The following TLE7 variants were observed in gnomAD, a reference collection of about 807,000 sequenced individuals.
The protein encoded by TLE7 is transducin-like enhancer protein 7.
In TLE7 at chr16:71,432,076, G is replaced by C. The variant is rs565303521; in HGVS notation, c.609+34C>G. ...GGGTCTCACGTCAGAGGCCCTGTCA[G>C]AGTTCCCTGAGTCCTGCTTTGGATC... On this transcript the variant is annotated intron_variant, in intron 5 of 9. Transcript: ENST00000561754. 1.2e-5 allele frequency: 5 copies of C among 401,058 alleles called. No individual in the cohort carries two copies. The South Asian group carries it at 6.3e-4, about 50-fold the overall frequency. 24.8% of individuals were successfully genotyped at this position (401,058 alleles called of 1,614,324 possible).
intron 1 of TLE7, among the ~76,000 whole-genome samples, chr16:71,435,335 C>T (rs376481866): frequency 5.9e-5 from 9 of 152,110 alleles, no homozygotes; most frequent in African/African-American, 9.6e-5. Flanking sequence ...TGCTTGAACC[C>T]GGGAGGCGGA....
chr16:71,437,898 C>A (rs2145046380), intron 1 of TLE7, among the ~76,000 whole-genome samples: 1 of 152,300 alleles, frequency 6.6e-6, no homozygotes, highest in Non-Finnish European at 1.5e-5. Flanking sequence ...CTTACACACC[C>A]CTTGTCCCCA....
Position 71,432,881 on chromosome 16 carries a change from C to T in TLE7, c.323G>A (p.Gly108Asp). The T allele has an allele frequency of 5.0e-6, 2 of 398,884 alleles. No individual in the cohort carries two copies. The highest frequency in any genetic ancestry group is 8.8e-6 in the Non-Finnish European group (2 of 226,288). The allele number at this position is 398,884 out of a possible 1,614,324, so 24.7% of individuals were successfully genotyped here. Residue 108 changes from glycine (G) to aspartate (D), a missense_variant, in exon 3 of 10, where the codon GGT (glycine) becomes GAT (aspartate). Coordinates refer to ENST00000561754, the MANE Select transcript of TLE7 (RefSeq NM_001367365.2). ...AAESSPSFLLGSEVGQPYSSS... is the reference protein window; with the variant it reads ...AAESSPSFLLDSEVGQPYSSS... ...TGACTGGTACTCACCAACCTCAGAA[C>T]CCAGTAGGAAGCTACAACACATGGA...
At position 71,431,183 on chromosome 16, in the gene TLE7, T is replaced by G. The variant is rs1191668425; in HGVS notation, c.1085A>C (p.Glu362Ala). 2.5e-6 allele frequency: 1 copy of G among 400,544 alleles called. No homozygotes were observed. Among genetic ancestry groups the G allele is most frequent in the Non-Finnish European group, 4.4e-6 (1 of 226,236 alleles). 24.8% of individuals were successfully genotyped at this position (400,544 alleles called of 1,614,324 possible). ...DIVFLHTRRN[E>A]QFKALMKKYT... ...TTTTTTCATGAGAGCCTTAAACTGC[T>G]CATTCCGACGAGTGTGAAGGAACAC... Residue 362 changes from glutamate (E) to alanine (A), a missense_variant, in exon 8 of 10, where the codon GAG becomes GCG. Coordinates refer to ENST00000561754, the MANE Select transcript of TLE7 (RefSeq NM_001367365.2). The surrounding 1 kb of genome is among the most constrained non-coding windows in gnomAD (Gnocchi z 4.5).
chr16:71,438,855 C>A (rs2042836998), intron 1 of TLE7, among the ~76,000 whole-genome samples: 1 of 152,160 alleles, frequency 6.6e-6, no homozygotes, highest in Non-Finnish European at 1.5e-5. Flanking sequence ...AGGGACCCAG[C>A]TTGAGCTCAG....
chr16:71,441,349 T>G (rs1027706256), intron 1 of TLE7, among the ~76,000 whole-genome samples: 3 of 152,254 alleles, frequency 2.0e-5, no homozygotes, highest in African/African-American at 7.2e-5. Context: ...CCTCCCACAG[T>G]GCTGGGATCA....
At chr16:71,440,324 C>A (rs1336874027) in intron 1 of TLE7, among the ~76,000 whole-genome samples, 1 of 152,134 alleles carries the variant, frequency 6.6e-6, no homozygotes, top group Non-Finnish European at 1.5e-5. Context: ...GAATTGTACA[C>A]TTTAAAATAG....
At chr16:71,433,670 A>G (rs2042815883) in intron 1 of TLE7, among the ~76,000 whole-genome samples, 1 of 152,226 alleles carries the variant, frequency 6.6e-6, no homozygotes, top group African/African-American at 2.4e-5. Flanking sequence ...TTAAAAATCA[A>G]ACTCACCTGC....
chr16:71,437,947 G>T (rs2042832661), intron 1 of TLE7, among the ~76,000 whole-genome samples: 1 of 152,156 alleles, frequency 6.6e-6, no homozygotes, highest in African/African-American at 2.4e-5. Context: ...AGATAATGTT[G>T]CTGGAAAGAG....
chr16:71,432,764 A>T, intron 3 of TLE7, 41 bp from the exon 4 acceptor site: 1 of 398,684 alleles, frequency 2.5e-6, no homozygotes, highest in Non-Finnish European at 4.4e-6. Flanking sequence ...ACAGAGTCCC[A>T]CGCTTCAGGG....
intron 4 of TLE7, among the ~76,000 whole-genome samples, 158 bp downstream of exon 4, chr16:71,432,507 C>T (rs1231107210): frequency 6.6e-6 from 1 of 152,182 alleles, no homozygotes; most frequent in East Asian, 1.9e-4. Context: ...GAAGACCCTA[C>T]TTCTCAGGAT....
intron 1 of TLE7, among the ~76,000 whole-genome samples, chr16:71,436,664 T>A (rs1237070373): frequency 6.6e-6 from 1 of 152,194 alleles, no homozygotes; most frequent in African/African-American, 2.4e-5. Context: ...CAGGTGAATC[T>A]CCTTTGCTTG....
rs2042796445 is a variant in TLE7, at chr16:71,430,268, C to T, written c.1320G>A (p.Leu440=). The change falls in exon 10 of 10, where the codon TTG becomes TTA. Residue 440 remains leucine, a synonymous_variant. Transcript: ENST00000561754. ...GGACCATGGCATGCCACCTTTAATA[C>T]AAGAGCTGGTAGATGGTGGCACTGC... ...SSSSATIYQL[L]Y 2.5e-6 allele frequency: 1 copy of T among 398,600 alleles called. No homozygotes were observed. Among genetic ancestry groups the T allele is most frequent in the African/African-American group, 2.1e-5 (1 of 48,640 alleles). 24.7% of individuals were successfully genotyped at this position (398,600 alleles called of 1,614,324 possible).
chr16:71,433,412 C>G lies in TLE7; in HGVS notation c.-88G>C, dbSNP rs188151535. 3.4e-4 allele frequency: 134 copies of G among 398,030 alleles called. 1 individual carries two copies. Among genetic ancestry groups the G allele is most frequent in the African/African-American group, 2.4e-3 (117 of 48,720 alleles). 24.7% of individuals were successfully genotyped at this position (398,030 alleles called of 1,614,324 possible). The stretch of plus-strand genomic sequence containing the variant: ...AACAGACACCAGGTTCCCAGTGTGT[C>G]CTGATCCCCTGTAAGGTGAAAAAAA... On this transcript the variant is annotated 5_prime_UTR_variant, in exon 2 of 10. Coordinates refer to ENST00000561754, the MANE Select transcript of TLE7 (RefSeq NM_001367365.2).
At chr16:71,432,765 C>G in intron 3 of TLE7, 42 bp from the exon 4 acceptor site, 1 of 398,754 alleles carries the variant, frequency 2.5e-6, no homozygotes, top group Non-Finnish European at 4.4e-6. Flanking sequence ...CAGAGTCCCA[C>G]GCTTCAGGGA....
At chr16:71,434,118 G>A (rs750394060) in intron 1 of TLE7, among the ~76,000 whole-genome samples, 42 of 152,176 alleles carry the variant, frequency 2.8e-4, no homozygotes, top group Non-Finnish European at 5.6e-4. Flanking sequence ...AGAATATAAG[G>A]TGTCCTACTT....
At chr16:71,432,029 A>T (rs934691850) in intron 5 of TLE7, 27 bp from the exon 6 acceptor site, 17 of 400,724 alleles carry the variant, frequency 4.2e-5, no homozygotes, top group Non-Finnish European at 7.5e-5. Context: ...ACACACTGGT[A>T]TCCCCTTGGG....
At chr16:71,438,589 G>A (rs1021252697) in intron 1 of TLE7, among the ~76,000 whole-genome samples, 1 of 150,066 alleles carries the variant, frequency 6.7e-6, no homozygotes, top group Admixed American at 6.6e-5. Flanking sequence ...GCTGAGGCAG[G>A]GAGAATCACT....
intron 1 of TLE7, among the ~76,000 whole-genome samples, chr16:71,441,500 G>A (rs935709678): frequency 6.6e-6 from 1 of 152,270 alleles, no homozygotes; most frequent in Non-Finnish European, 1.5e-5. Context: ...GTGGGCAGCT[G>A]TGACAGGGCT....
Sources: allele counts gnomAD v4.1 joint callset (sites outside exome capture counted in the v4.1 genomes callset), GRCh38; gene constraint gnomAD v4.1.1; non-coding constraint Gnocchi (gnomAD v3.1); transcripts MANE v1.5; gene names NCBI Gene and HGNC (gene_info 2026-07-23, HGNC 2026-07-21).